The following PIBF1 variants were observed in gnomAD, a reference collection of about 807,000 sequenced individuals.
The protein encoded by PIBF1 is progesterone immunomodulatory binding factor 1.
In PIBF1, 90 loss-of-function variants were observed where a neutral mutation model predicts 112.5. The ratio of observed to expected loss-of-function variants is 0.80; its 90% CI spans 0.67 to 0.95. The LOEUF (loss-of-function observed/expected upper bound fraction) is 0.95. PIBF1 is among the 40% of genes least tolerant of loss of function. The pLI, the probability that PIBF1 is intolerant of heterozygous loss-of-function variation, is 0.00. For synonymous variants in PIBF1, 301 were observed against 288.6 expected (o/e 1.04, Z -0.44); for missense variants, 915 against 852.3 (o/e 1.07, Z -0.92).
intron 5 of PIBF1, 100 bp downstream of exon 5, chr13:72,798,126 A>G: frequency 8.2e-7 from 1 of 1,213,872 alleles, no homozygotes; most frequent in Non-Finnish European, 1.1e-6. Flanking sequence ...TGATTGAAAA[A>G]TGGGACTATG....
intron 2 of PIBF1, among the ~76,000 whole-genome samples, chr13:72,790,376 T>C (rs920768284): frequency 6.6e-6 from 1 of 151,524 alleles, no homozygotes; most frequent in Non-Finnish European, 1.5e-5. Flanking sequence ...GTGTAACTTA[T>C]AGATTCCTAA....
At chr13:73,007,945 G>A (rs1026590898) in intron 17 of PIBF1, among the ~76,000 whole-genome samples, 4 of 152,170 alleles carry the variant, frequency 2.6e-5, no homozygotes, top group Non-Finnish European at 4.4e-5. Flanking sequence ...GTTTGGAACA[G>A]GGCTATCACT....
chr13:72,931,944 T>C (rs1333564140), intron 14 of PIBF1, among the ~76,000 whole-genome samples: 2 of 144,368 alleles, frequency 1.4e-5, no homozygotes, highest in Non-Finnish European at 1.5e-5. Flanking sequence ...CTTTCTTTTT[T>C]TTTTTTTTTT....
At chr13:72,949,773 GTTCTGT>G (rs2138849844) in intron 14 of PIBF1, among the ~76,000 whole-genome samples, 1 of 152,126 alleles carries the variant, frequency 6.6e-6, no homozygotes, top group Non-Finnish European at 1.5e-5. Context: ...TTGCTATTCT[GTTCTGT>G]TTCTTTTTTT....
intron 9 of PIBF1, among the ~76,000 whole-genome samples, chr13:72,847,880 G>A (rs1382268665): frequency 6.6e-6 from 1 of 152,208 alleles, no homozygotes; most frequent in Non-Finnish European, 1.5e-5. Flanking sequence ...ATATGGAAAT[G>A]AGCAGTTTTA....
At chr13:72,986,382 C>A (rs2043288254) in intron 16 of PIBF1, among the ~76,000 whole-genome samples, 1 of 152,050 alleles carries the variant, frequency 6.6e-6, no homozygotes, top group African/African-American at 2.4e-5. Flanking sequence ...CTGAGCAAAC[C>A]AATCAGAATA....
intron 9 of PIBF1, among the ~76,000 whole-genome samples, chr13:72,845,785 C>A (rs1012299357): frequency 6.6e-6 from 1 of 152,112 alleles, no homozygotes; most frequent in Non-Finnish European, 1.5e-5. Flanking sequence ...TGTTTCTTGG[C>A]CACATAAATG....
At chr13:72,895,369 A>C (rs764615984) in intron 11 of PIBF1, among the ~76,000 whole-genome samples, 9 of 150,484 alleles carry the variant, frequency 6.0e-5, no homozygotes, top group Non-Finnish European at 1.2e-4. Flanking sequence ...AAACTGAAAA[A>C]CAGTATTTGT....
At chr13:72,915,071 A>G (rs1488546631) in intron 12 of PIBF1, among the ~76,000 whole-genome samples, 11 of 152,188 alleles carry the variant, frequency 7.2e-5, no homozygotes, top group African/African-American at 2.4e-4. Context: ...TATATATAGC[A>G]TGTACATTGT....
At chr13:72,859,429 A>G (rs552468032) in intron 10 of PIBF1, among the ~76,000 whole-genome samples, 70 of 152,314 alleles carry the variant, frequency 4.6e-4, no homozygotes, top group African/African-American at 1.7e-3. Flanking sequence ...ATGTTGTTAG[A>G]GAATTATTAA....
chr13:72,818,516 ACTT>A (rs1459690997), intron 5 of PIBF1, among the ~76,000 whole-genome samples: 1 of 152,004 alleles, frequency 6.6e-6, no homozygotes, highest in African/African-American at 2.4e-5. Context: ...TTACCAATTC[ACTT>A]TCATCCACTA....
intron 17 of PIBF1, among the ~76,000 whole-genome samples, chr13:73,008,660 G>C (rs2044110166): frequency 6.6e-6 from 1 of 152,134 alleles, no homozygotes; most frequent in Admixed American, 6.6e-5. Flanking sequence ...AATTGAATAA[G>C]ATGTGAAAAC....
At chr13:72,924,594 C>T (rs752497887) in intron 13 of PIBF1, among the ~76,000 whole-genome samples, 2 of 152,098 alleles carry the variant, frequency 1.3e-5, no homozygotes, top group African/African-American at 2.4e-5. Flanking sequence ...CCCTAATGCA[C>T]CTGTGGTCCC....
intron 9 of PIBF1, among the ~76,000 whole-genome samples, chr13:72,853,420 C>T (rs1034475039): frequency 2.0e-5 from 3 of 152,124 alleles, no homozygotes; most frequent in African/African-American, 7.2e-5. Flanking sequence ...AAAATTCTGC[C>T]ACTGAAAAGT....
intron 10 of PIBF1, among the ~76,000 whole-genome samples, chr13:72,865,305 A>G (rs975002372): frequency 6.6e-6 from 1 of 152,182 alleles, no homozygotes; most frequent in Non-Finnish European, 1.5e-5. Flanking sequence ...TCTGTAAGCC[A>G]TTCAGGCCGT....
chr13:72,965,310 C>T lies in PIBF1; in HGVS notation c.1870C>T (p.Gln624Ter). The change falls in exon 15 of 18, where the codon CAG becomes TAG. Residue 624 changes from glutamine to a stop codon, truncating the protein, a stop_gained. Coordinates refer to ENST00000326291, the MANE Select transcript of PIBF1 (RefSeq NM_006346.4). LOFTEE classifies it high-confidence loss of function. ...RANSLLNQTQ[Q>*]PYRYLIESVR... is the part of the protein sequence containing the mutation. ...CAATTCGCTATTAAACCAGACTCAA[C>T]AGCCTTACAGGTATCTCATTGAATC... is the stretch of plus-strand genomic sequence containing the variant. 1 of 1,611,154 alleles carries T rather than the reference C, an allele frequency of 6.2e-7. No individual in the cohort carries two copies. The highest frequency in any genetic ancestry group is 8.5e-7 in the Non-Finnish European group (1 of 1,177,916).
At chr13:72,840,191 C>A (rs1232833775) in intron 9 of PIBF1, among the ~76,000 whole-genome samples, 1 of 152,134 alleles carries the variant, frequency 6.6e-6, no homozygotes, top group Non-Finnish European at 1.5e-5. Flanking sequence ...TTCATTATGG[C>A]AGATTTAACT....
chr13:72,847,303 A>AGTT (rs1468451933), intron 9 of PIBF1, among the ~76,000 whole-genome samples: 1 of 152,248 alleles, frequency 6.6e-6, no homozygotes, highest in Non-Finnish European at 1.5e-5. Context: ...TTATGCTGCT[A>AGTT]TAACAGGATA....
chr13:72,905,631 A>G (rs983504540), intron 11 of PIBF1, among the ~76,000 whole-genome samples: 1 of 152,186 alleles, frequency 6.6e-6, no homozygotes, highest in African/African-American at 2.4e-5. Flanking sequence ...AAAATGCTGT[A>G]GAGTCATAAT....
Sources: allele counts gnomAD v4.1 joint callset (sites outside exome capture counted in the v4.1 genomes callset), GRCh38; gene constraint gnomAD v4.1.1; transcripts MANE v1.5; gene names NCBI Gene and HGNC (gene_info 2026-07-23, HGNC 2026-07-21).